The following MPDZ variants were observed in gnomAD, a reference collection of about 807,000 sequenced individuals.
The protein encoded by MPDZ is multiple PDZ domain crumbs cell polarity complex component, also known as multiple PDZ domain protein.
In MPDZ, 234 loss-of-function variants were observed where a neutral mutation model predicts 239.1. That is an observed-to-expected ratio of 0.98 (90% confidence interval 0.88 to 1.09). MPDZ has a LOEUF of 1.09. MPDZ is among the 50% of genes least tolerant of loss of function. MPDZ has a pLI of 0.00. For synonymous variants in MPDZ, 1,048 were observed against 881.3 expected, an observed-to-expected ratio of 1.19 and a Z score of -3.35; for missense variants, 3,175 against 2,510.0, an observed-to-expected ratio of 1.26 and a Z score of -5.66.
chr9:13,222,082 A>G, intron 6 of MPDZ, 151 bp downstream of exon 6: 1 of 596,324 alleles, frequency 1.7e-6, no homozygotes, highest in Non-Finnish European at 2.8e-6. Context: ...TCATGCTTAA[A>G]GAACAAATAT....
intron 23 of MPDZ, among the ~76,000 whole-genome samples, chr9:13,160,297 T>C (rs1229630306): frequency 6.6e-6 from 1 of 152,170 alleles, no homozygotes; most frequent in East Asian, 1.9e-4. Context: ...CTCTTGCAGA[T>C]TGTTCCACCA....
chr9:13,141,707 T>G (rs1014823847), intron 27 of MPDZ, among the ~76,000 whole-genome samples: 1 of 152,144 alleles, frequency 6.6e-6, no homozygotes, highest in Non-Finnish European at 1.5e-5. Context: ...TAAAAATATA[T>G]GTAACACTAG....
At chr9:13,151,878 G>C (rs1949218430) in intron 24 of MPDZ, among the ~76,000 whole-genome samples, 1 of 130,410 alleles carries the variant, frequency 7.7e-6, no homozygotes, top group Non-Finnish European at 1.5e-5. Context: ...AATTTATTAA[G>C]GTTTTACTAG....
chr9:13,199,994 C>A (rs1431621575), intron 12 of MPDZ, among the ~76,000 whole-genome samples: 1 of 151,920 alleles, frequency 6.6e-6, no homozygotes, highest in East Asian at 1.9e-4. Flanking sequence ...GTATTCCCTC[C>A]TCTTCAATTT....
chr9:13,133,791 A>G (rs1298755257), intron 32 of MPDZ, 33 bp downstream of exon 32: 1 of 1,457,896 alleles, frequency 6.9e-7, no homozygotes, highest in South Asian at 1.2e-5. Flanking sequence ...AAAGGAACTC[A>G]CATCATTTCA....
At chr9:13,160,867 T>TATATATATATATAA (rs1563931184) in intron 23 of MPDZ, among the ~76,000 whole-genome samples, 2 of 128,700 alleles carry the variant, frequency 1.6e-5, no homozygotes, top group South Asian at 2.5e-4. Flanking sequence ...TATATATATA[T>TATATATATATATAA]ATAAAACAGG....
intron 21 of MPDZ, among the ~76,000 whole-genome samples, chr9:13,173,104 G>A (rs1951997897): frequency 6.6e-6 from 1 of 152,210 alleles, no homozygotes; most frequent in South Asian, 2.1e-4. Context: ...GTAGTTGACA[G>A]GGGACTGGTA....
At chr9:13,154,100 C>T (rs1949531988) in intron 24 of MPDZ, among the ~76,000 whole-genome samples, 1 of 152,132 alleles carries the variant, frequency 6.6e-6, no homozygotes, top group Non-Finnish European at 1.5e-5. Context: ...GATAATAGCA[C>T]CTTTGCTCTC....
intron 1 of MPDZ, among the ~76,000 whole-genome samples, chr9:13,258,692 C>G (rs770275181): frequency 6.6e-6 from 1 of 152,186 alleles, no homozygotes; most frequent in Non-Finnish European, 1.5e-5. Context: ...TCAGTCTTTT[C>G]TTAGCATCTG....
intron 19 of MPDZ, among the ~76,000 whole-genome samples, chr9:13,178,445 T>G (rs1014807106): frequency 2.6e-5 from 4 of 152,130 alleles, no homozygotes; most frequent in African/African-American, 9.7e-5. Flanking sequence ...GATAAGCCAT[T>G]TGTATTTCTT....
intron 41 of MPDZ, among the ~76,000 whole-genome samples, chr9:13,113,585 T>G (rs1942868161): frequency 6.6e-6 from 1 of 152,136 alleles, no homozygotes. Flanking sequence ...TTTGCAATCT[T>G]CATGGAAAAA....
chr9:13,261,921 T>G (rs1283526748), intron 1 of MPDZ, among the ~76,000 whole-genome samples: 4 of 151,254 alleles, frequency 2.6e-5, no homozygotes, highest in Non-Finnish European at 5.9e-5. Context: ...GGCACATGCA[T>G]GTAGTCCCAG....
chr9:13,107,787 C>T (rs753807860), intron 46 of MPDZ, among the ~76,000 whole-genome samples: 5 of 151,860 alleles, frequency 3.3e-5, no homozygotes, highest in Admixed American at 1.3e-4. Context: ...TCTTAAAGCA[C>T]GCTTATAGAA....
At position 13,223,723 on chromosome 9, in the gene MPDZ, C is replaced by T; in HGVS notation, c.394-13G>A. 2 of 1,575,998 alleles carry T rather than the reference C, an allele frequency of 1.3e-6. No homozygotes were observed. Among genetic ancestry groups the T allele is most frequent in the African/African-American group, 1.4e-5 (1 of 73,632 alleles). On this transcript the variant is annotated splice_polypyrimidine_tract_variant and intron_variant, in intron 4 of 46. Coordinates refer to ENST00000319217, the MANE Select transcript of MPDZ (RefSeq NM_001378778.1). The stretch of plus-strand genomic sequence containing the variant: ...CTACATGGCGACCCTGTTTAGGAAA[C>T]AAAGCAAGAAATAAAACTAAAAGCC...
intron 24 of MPDZ, 29 bp from the exon 25 acceptor site, chr9:13,150,717 T>C: frequency 2.3e-6 from 3 of 1,291,686 alleles, no homozygotes; most frequent in South Asian, 3.3e-5. Context: ...TTTCAACTCT[T>C]AGGAAAAATC....
chr9:13,180,698 G>C (rs1334280481), intron 19 of MPDZ, among the ~76,000 whole-genome samples: 1 of 152,062 alleles, frequency 6.6e-6, no homozygotes, highest in East Asian at 1.9e-4. Flanking sequence ...AAAATAATAA[G>C]AAAGGAAAAA....
At chr9:13,207,358 C>A (rs539381527) in intron 10 of MPDZ, among the ~76,000 whole-genome samples, 1 of 152,234 alleles carries the variant, frequency 6.6e-6, no homozygotes, top group South Asian at 2.1e-4. Context: ...GCCAACTGCT[C>A]CCACCTCCCA....
chr9:13,178,509 C>T (rs1453982206), intron 19 of MPDZ, among the ~76,000 whole-genome samples: 1 of 152,144 alleles, frequency 6.6e-6, no homozygotes, highest in African/African-American at 2.4e-5. Flanking sequence ...GTTCAAATTA[C>T]ATATAGAGGC....
rs1050200463 is a variant in MPDZ at position 13,199,128 on chromosome 9, C to T, written c.1547-2898G>A. Among the ~76,000 whole-genome samples the T allele has an allele frequency of 3.3e-5, 5 of 151,946 alleles. No homozygotes were observed. The South Asian group carries it at 1.0e-3, about 32-fold the overall frequency. ...TATTGATATTTTAACAATATTAATT[C>T]TTCTAGTCCATGATCATAGAATATC... On this transcript the variant is annotated intron_variant, in intron 12 of 46. Transcript: ENST00000319217.
Sources: gnomAD v4.1 joint callset for allele counts (sites outside exome capture counted in the v4.1 genomes callset) on GRCh38, gnomAD v4.1.1 for gene constraint, MANE v1.5 for transcripts, NCBI Gene and HGNC (gene_info 2026-07-23, HGNC 2026-07-21) for gene names.